Variants in PNPLA7 observed in about 807,000 individuals in gnomAD.
PNPLA7 encodes the protein patatin like domain 7, lysophospholipase, also known as patatin-like phospholipase domain-containing protein 7.
PNPLA7 carries 153 observed loss-of-function variants against 161.7 expected under a neutral mutation model. The ratio of observed to expected loss-of-function variants is 0.95; its 90% CI spans 0.83 to 1.08. PNPLA7 has a LOEUF of 1.08. PNPLA7 is among the 50% of genes least tolerant of loss of function. The pLI, the probability that PNPLA7 is intolerant of heterozygous loss-of-function variation, is 0.00. For missense variants in PNPLA7, 1,739 were observed against 1,856.6 expected (o/e 0.94, Z 1.16); for synonymous variants, 809 against 782.1 (o/e 1.03, Z -0.57).
At chr9:137,519,520 G>A (rs1834874295) in intron 11 of PNPLA7, among the ~76,000 whole-genome samples, 2 of 152,214 alleles carry the variant, frequency 1.3e-5, no homozygotes, top group South Asian at 4.1e-4. Flanking sequence ...GACCGTTGGA[G>A]GTTTGAGGAC....
chr9:137,500,643 G>A lies in PNPLA7; in HGVS notation c.1757+48C>T, dbSNP rs771521566. On this transcript the variant is annotated intron_variant, in intron 16 of 34. Coordinates refer to ENST00000406427, the MANE Select transcript of PNPLA7 (RefSeq NM_001098537.3). The surrounding 1 kb of genome is among the most constrained non-coding windows in gnomAD (Gnocchi z 5.5). ...CGGCCACGCGGGGAGGGGTCTCAGG[G>A]CAGGGGGGGCTGGGGCCCGCCCTGA... is the stretch of plus-strand genomic sequence containing the variant. 1.8e-5 allele frequency: 28 copies of A among 1,575,866 alleles called. No homozygotes were observed. Among genetic ancestry groups the A allele is most frequent in the African/African-American group, 2.7e-5 (2 of 74,178 alleles).
Position 137,479,506 on chromosome 9 carries a change from C to T in PNPLA7, c.2581-268G>A. On this transcript the variant is annotated intron_variant, in intron 23 of 34. Coordinates refer to ENST00000406427, the MANE Select transcript of PNPLA7 (RefSeq NM_001098537.3). ...TGTTTCTCTAACACTGCCTCATAAA[C>T]ACACACAGCAACCTTTCCAAATGAG... The T allele has an allele frequency of 2.5e-6, 3 of 1,188,256 alleles. No homozygotes were observed. The East Asian group carries it at 1.1e-4, about 43-fold the overall frequency. 73.6% of individuals were successfully genotyped at this position (1,188,256 alleles called of 1,614,324 possible). A position where few individuals can be genotyped will look rare whatever the true frequency, so the allele number is the denominator to read the frequency against.
At position 137,524,786 on chromosome 9, in the gene PNPLA7, A is replaced by C. The variant is rs983523813; in HGVS notation, c.748-1929T>G. Among the ~76,000 whole-genome samples, 2 of 151,312 alleles carry C rather than the reference A, an allele frequency of 1.3e-5. No individual in the cohort carries two copies. Among genetic ancestry groups the C allele is most frequent in the African/African-American group, 4.9e-5 (2 of 41,092 alleles). On this transcript the variant is annotated intron_variant, in intron 8 of 34. Coordinates refer to ENST00000406427, the MANE Select transcript of PNPLA7 (RefSeq NM_001098537.3). The surrounding 1 kb of genome is among the most constrained non-coding windows in gnomAD (Gnocchi z 4.4). Reference sequence around the variant, plus strand: ...ATGAGTTTCCGTGGATGCCCCGTGGAATGGGTTTCCGTGGATGCCCCGTGG... The same window carrying C: ...ATGAGTTTCCGTGGATGCCCCGTGGCATGGGTTTCCGTGGATGCCCCGTGG...
intron 20 of PNPLA7, among the ~76,000 whole-genome samples, chr9:137,491,258 G>A (rs928653768): frequency 2.0e-5 from 3 of 152,082 alleles, no homozygotes; most frequent in South Asian, 2.1e-4. Flanking sequence ...ACAAAATAGC[G>A]AGACCCCATC....
intron 23 of PNPLA7, chr9:137,479,703 T>C: frequency 1.0e-6 from 1 of 985,346 alleles, no homozygotes; most frequent in Non-Finnish European, 1.2e-6. Flanking sequence ...GGCAGGAAGC[T>C]GGAGAACACG....
intron 20 of PNPLA7, among the ~76,000 whole-genome samples, chr9:137,487,167 A>G (rs1193516122): frequency 6.6e-6 from 1 of 152,196 alleles, no homozygotes; most frequent in African/African-American, 2.4e-5. Flanking sequence ...CGTGCTGCGC[A>G]CCGGCTGCCA....
chr9:137,490,343 T>C lies in PNPLA7; in HGVS notation c.2197+2670A>G, dbSNP rs1308933896. Among the ~76,000 whole-genome samples the C allele has an allele frequency of 6.6e-6, 1 of 152,148 alleles. No homozygotes were observed. Among genetic ancestry groups the C allele is most frequent in the Non-Finnish European group, 1.5e-5 (1 of 68,014 alleles). On this transcript the variant is annotated intron_variant, in intron 20 of 34. Coordinates refer to ENST00000406427, the MANE Select transcript of PNPLA7 (RefSeq NM_001098537.3). This position sits in a 1 kb window ranked among gnomAD's most constrained non-coding sequence, Gnocchi z 4.1. ...AACTCTTGGGCTCAAATAATCCTCCTGTCTCGGCCTCCCAAAGTGCTGGGA... is the reference window on the plus strand; with the variant it reads ...AACTCTTGGGCTCAAATAATCCTCCCGTCTCGGCCTCCCAAAGTGCTGGGA...
chr9:137,532,991 C>A (rs1588695244), intron 8 of PNPLA7, among the ~76,000 whole-genome samples: 2 of 151,652 alleles, frequency 1.3e-5, no homozygotes, highest in African/African-American at 4.8e-5. Context: ...GACGGGAGCA[C>A]CCCCAGACTC....
intron 1 of PNPLA7, among the ~76,000 whole-genome samples, chr9:137,549,525 G>A (rs538544028): frequency 6.8e-5 from 10 of 147,716 alleles, no homozygotes; most frequent in African/African-American, 2.5e-4. Flanking sequence ...AGTTGAGATC[G>A]TGCCACTGCA....
rs1276864495 is a variant in PNPLA7 at position 137,462,344 on chromosome 9, C to T, written c.3493-13G>A. On this transcript the variant is annotated splice_polypyrimidine_tract_variant and intron_variant, in intron 30 of 34. Transcript: ENST00000406427. ...CCATGTTCAACACCTGCTGCCGTCA[C>T]AGCCGCCTGAGTCTCCTGCCCCGGC... The T allele has an allele frequency of 6.3e-7, 1 of 1,586,854 alleles. No individual in the cohort carries two copies. The highest frequency in any genetic ancestry group is 1.1e-5 in the South Asian group (1 of 86,994).
At position 137,467,537 on chromosome 9, in the gene PNPLA7, C is replaced by A. The variant is rs967906294; in HGVS notation, c.2883-64G>T. On this transcript the variant is annotated intron_variant, in intron 25 of 34. Coordinates refer to ENST00000406427, the MANE Select transcript of PNPLA7 (RefSeq NM_001098537.3). The surrounding 1 kb of genome is among the most constrained non-coding windows in gnomAD (Gnocchi z 5.1). ...AGGCCCAGGCTGCGCCCTGCAGAGG[C>A]CTTGTGCTCATCCTCAGTTCCCAAC... 2 of 1,569,854 alleles carry A rather than the reference C, an allele frequency of 1.3e-6. No homozygotes were observed. The highest frequency in any genetic ancestry group is 1.7e-6 in the Non-Finnish European group (2 of 1,155,664).
rs992488074 is a variant in PNPLA7, at chr9:137,493,227, G to A, written c.2128-145C>T. On this transcript the variant is annotated intron_variant, in intron 19 of 34. Transcript: ENST00000406427. ...AACCTCCATGAACTGAGTTGCACAT[G>A]ACTCACAAGCCACGTGCTGGGCCAT... 6.0e-6 allele frequency: 5 copies of A among 828,360 alleles called. No individual in the cohort carries two copies. In the African/African-American group the frequency reaches 6.7e-5, roughly 11 times the overall value. The allele number at this position is 828,360 out of a possible 1,614,324, so 51.3% of individuals were successfully genotyped here.
rs183729059 is a variant in PNPLA7 at position 137,470,478 on chromosome 9, C to T, written c.2883-3005G>A. On this transcript the variant is annotated intron_variant, in intron 25 of 34. Coordinates refer to ENST00000406427, the MANE Select transcript of PNPLA7 (RefSeq NM_001098537.3). Reference sequence around the variant, plus strand: ...CGGCTCACACTTGTAATCCCAGCAGCGAGCTGTGATCACACCACTGCACTC... The same window carrying T: ...CGGCTCACACTTGTAATCCCAGCAGTGAGCTGTGATCACACCACTGCACTC... Among the ~76,000 whole-genome samples the T allele has an allele frequency of 1.8e-4, 27 of 152,022 alleles. No individual in the cohort carries two copies. The East Asian group carries it at 4.4e-3, about 25-fold the overall frequency.
At chr9:137,488,721 C>G (rs575843241) in intron 20 of PNPLA7, among the ~76,000 whole-genome samples, 18 of 141,978 alleles carry the variant, frequency 1.3e-4, no homozygotes, top group Admixed American at 4.8e-4. Context: ...GACATCCCCC[C>G]CCAACTGTGC....
At position 137,499,596 on chromosome 9, in the gene PNPLA7, C is replaced by T. The variant is rs1833267374; in HGVS notation, c.1757+1095G>A. On this transcript the variant is annotated intron_variant, in intron 16 of 34. Coordinates refer to ENST00000406427, the MANE Select transcript of PNPLA7 (RefSeq NM_001098537.3). The surrounding 1 kb of genome is among the most constrained non-coding windows in gnomAD (Gnocchi z 5.5). ...CCATCAGCACGCTGCGGTGTCAGGG[C>T]ACCCGGCATCGGGACCTGGCTGGAG... Among the ~76,000 whole-genome samples the T allele has an allele frequency of 6.6e-6, 1 of 152,234 alleles. No homozygotes were observed. Among genetic ancestry groups the T allele is most frequent in the African/African-American group, 2.4e-5 (1 of 41,466 alleles).
rs552995304 is a variant in PNPLA7 at position 137,500,647 on chromosome 9, G to T, written c.1757+44C>A. 17 of 1,590,276 alleles carry T rather than the reference G, an allele frequency of 1.1e-5. No individual in the cohort carries two copies. Among genetic ancestry groups the T allele is most frequent in the East Asian group, 2.3e-5 (1 of 44,422 alleles). On this transcript the variant is annotated intron_variant, in intron 16 of 34. Transcript: ENST00000406427. The surrounding 1 kb of genome is among the most constrained non-coding windows in gnomAD (Gnocchi z 5.5). ...CACGCGGGGAGGGGTCTCAGGGCAG[G>T]GGGGGCTGGGGCCCGCCCTGAGGTC...
At chr9:137,534,037 G>A (rs1300516468) in intron 8 of PNPLA7, among the ~76,000 whole-genome samples, 2 of 139,712 alleles carry the variant, frequency 1.4e-5, no homozygotes, top group Admixed American at 7.1e-5. Context: ...TACTCCAGAT[G>A]GGAGCACCCC....
chr9:137,543,867 A>C lies in PNPLA7; in HGVS notation c.274-52T>G. On this transcript the variant is annotated intron_variant, in intron 4 of 34. Coordinates refer to ENST00000406427, the MANE Select transcript of PNPLA7 (RefSeq NM_001098537.3). This position sits in a 1 kb window ranked among gnomAD's most constrained non-coding sequence, Gnocchi z 6.9. ...ACTGACCCTGCAAGCCGCAAGGTCC[A>C]AGCTCTTTGCCATGGGGATCAGTCC... 1 of 1,488,316 alleles carries C rather than the reference A, an allele frequency of 6.7e-7. No homozygotes were observed. The highest frequency in any genetic ancestry group is 1.1e-5 in the South Asian group (1 of 88,468). 92.2% of individuals were successfully genotyped at this position (1,488,316 alleles called of 1,614,324 possible).
Position 137,462,277 on chromosome 9 carries a change from G to A in PNPLA7, c.3547C>T (p.Gln1183Ter), listed in dbSNP as rs746848727. 3 of 1,611,970 alleles carry A rather than the reference G, an allele frequency of 1.9e-6. No individual in the cohort carries two copies. The highest frequency in any genetic ancestry group is 2.5e-6 in the Non-Finnish European group (3 of 1,179,352). Residue 1183 changes from glutamine to a stop codon, truncating the protein, a stop_gained, in exon 31 of 35, where the codon CAG becomes TAG. Coordinates refer to ENST00000406427, the MANE Select transcript of PNPLA7 (RefSeq NM_001098537.3). LOFTEE classifies it high-confidence loss of function. ...TCACTGCTCTTCACCACCTCCAGCT[G>A]CCGCACGCAACACACGTAGGCCAGG... is the stretch of plus-strand genomic sequence containing the variant. Reference protein sequence around the residue: ...TRLAYVCCVRQLEVVKSSDYC... With the variant: ...TRLAYVCCVR
Sources: allele counts gnomAD v4.1 joint callset (sites outside exome capture counted in the v4.1 genomes callset), GRCh38; gene constraint gnomAD v4.1.1; non-coding constraint Gnocchi (gnomAD v3.1); transcripts MANE v1.5; gene names NCBI Gene and HGNC (gene_info 2026-07-23, HGNC 2026-07-21).